FAM98B: variants seen among roughly 807,000 people sequenced by gnomAD.
FAM98B encodes tRNA-splicing ligase complex subunit FAM98B.
A neutral mutation model predicts 43.9 loss-of-function variants in FAM98B; 32 were observed. The ratio of observed to expected loss-of-function variants is 0.73; its 90% CI spans 0.55 to 0.98. FAM98B has a LOEUF of 0.98. Among genes scored for constraint, FAM98B ranks in the 50% least tolerant of loss-of-function variants. FAM98B has a pLI of 0.00. For synonymous variants in FAM98B, 190 were observed against 174.0 expected (o/e 1.09, Z -0.72); for missense variants, 514 against 522.9 (o/e 0.98, Z 0.17).
chr15:38,475,986 A>G (rs1055462013), intron 6 of FAM98B, among the ~76,000 whole-genome samples: 1 of 152,104 alleles, frequency 6.6e-6, no homozygotes, highest in Admixed American at 6.5e-5. Flanking sequence ...TTGCATGGCT[A>G]TCCTTGGCTG....
chr15:38,457,983 G>T (rs1889876822), intron 1 of FAM98B, among the ~76,000 whole-genome samples: 1 of 146,382 alleles, frequency 6.8e-6, no homozygotes, highest in South Asian at 2.2e-4. Flanking sequence ...TTAAGAAAGA[G>T]AATTTTCAGA....
intron 7 of FAM98B, 30 bp from the exon 8 acceptor site, chr15:38,484,225 G>A: frequency 6.5e-7 from 1 of 1,535,944 alleles, no homozygotes. Context: ...TGAAATATTA[G>A]GAACTAAAAG....
intron 3 of FAM98B, 54 bp from the exon 4 acceptor site, chr15:38,470,173 T>C: frequency 7.9e-7 from 1 of 1,262,684 alleles, no homozygotes; most frequent in South Asian, 1.8e-5. Flanking sequence ...CAGTGAAATA[T>C]TTCAAGAGAT....
At chr15:38,465,198 GAGT>G (rs1267815935) in intron 2 of FAM98B, 68 bp from the exon 3 acceptor site, 1 of 1,419,854 alleles carries the variant, frequency 7.0e-7, no homozygotes, top group Non-Finnish European at 9.5e-7. Flanking sequence ...GGAAATAAAC[GAGT>G]AGATTTTATA....
intron 7 of FAM98B, 81 bp downstream of exon 7, chr15:38,481,540 T>C: frequency 6.2e-7 from 1 of 1,613,848 alleles, no homozygotes; most frequent in Non-Finnish European, 8.5e-7. Flanking sequence ...TCTATTTTTC[T>C]TTCATGTCCT....
In FAM98B at chr15:38,474,207, C is replaced by T; in HGVS notation, c.638C>T (p.Ala213Val). Residue 213 changes from alanine (A) to valine (V), a missense_variant, in exon 6 of 8, where the codon GCT becomes GTT. By Grantham distance (64) the Ala-to-Val change is moderately conservative. Transcript: ENST00000397609. ...QAEQLERIND[A>V]LSCEYECRRR... The stretch of plus-strand genomic sequence containing the variant: ...GAACAACTGGAAAGAATCAATGATG[C>T]TCTTTCCTGTGAATATGAGTGCCGC... 6.2e-7 allele frequency: 1 copy of T among 1,613,276 alleles called. No homozygotes were observed. The highest frequency in any genetic ancestry group is 1.1e-5 in the South Asian group (1 of 91,046).
rs545891309 is a variant in FAM98B at position 38,485,961 on chromosome 15, A to G, written c.*1302A>G. ...AGGCTTCTGGTCAATACCTATACAT[A>G]ACAACTTAATGTGATCTAACCAACT... On this transcript the variant is annotated 3_prime_UTR_variant, in exon 8 of 8. Coordinates refer to ENST00000397609, the MANE Select transcript of FAM98B (RefSeq NM_173611.4). The G allele has an allele frequency of 5.9e-5, 9 of 152,294 alleles. No individual in the cohort carries two copies. Among genetic ancestry groups the G allele is most frequent in the African/African-American group, 1.9e-4 (8 of 41,570 alleles). The allele number at this position is 152,294 out of a possible 1,614,324, so 9.4% of individuals were successfully genotyped here.
intron 6 of FAM98B, among the ~76,000 whole-genome samples, chr15:38,476,135 T>A (rs1226957870): frequency 6.6e-6 from 1 of 152,220 alleles, no homozygotes; most frequent in Non-Finnish European, 1.5e-5. Context: ...AAATGTTTAG[T>A]CTGCTTTCAC....
rs757329781 is a variant in FAM98B at position 38,454,153 on chromosome 15, C to T, written c.-9C>T. 13 of 1,592,142 alleles carry T rather than the reference C, an allele frequency of 8.2e-6. No individual in the cohort carries two copies. The Admixed American group carries it at 9.1e-5, about 11-fold the overall frequency. ...CTTAGAGCGCCGAACAGCTCTGGGC[C>T]AAAGGACCATGAGAGGGCCGGAGCC... On this transcript the variant is annotated 5_prime_UTR_variant, in exon 1 of 8. Transcript: ENST00000397609.
intron 7 of FAM98B, chr15:38,482,739 A>T (rs1000283317): frequency 1.3e-5 from 2 of 152,198 alleles, no homozygotes; most frequent in African/African-American, 4.8e-5. Context: ...CCTGAAAGGC[A>T]GTAGCAGGAA....
At chr15:38,476,717 T>G (rs1178733846) in intron 6 of FAM98B, among the ~76,000 whole-genome samples, 4 of 147,346 alleles carry the variant, frequency 2.7e-5, no homozygotes, top group Non-Finnish European at 4.5e-5. Context: ...TTTTTTTTTT[T>G]GCTTTCAATT....
chr15:38,487,133 T>C lies in FAM98B; in HGVS notation c.*2474T>C, dbSNP rs976782678. On this transcript the variant is annotated 3_prime_UTR_variant, in exon 8 of 8. Coordinates refer to ENST00000397609, the MANE Select transcript of FAM98B (RefSeq NM_173611.4). The stretch of plus-strand genomic sequence containing the variant: ...TTTCCTCTCGACCGTATAAAGAGCA[T>C]GTATTCTGTCTATAACATAATCACC... 3 of 152,118 alleles carry C rather than the reference T, an allele frequency of 2.0e-5. No individual in the cohort carries two copies. Among genetic ancestry groups the C allele is most frequent in the Non-Finnish European group, 4.4e-5 (3 of 67,956 alleles). 9.4% of individuals were successfully genotyped at this position (152,118 alleles called of 1,614,324 possible). A position where few individuals can be genotyped will look rare whatever the true frequency, so the allele number is the denominator to read the frequency against.
chr15:38,481,914 T>G (rs1258258891), intron 7 of FAM98B: 2 of 233,342 alleles, frequency 8.6e-6, no homozygotes, highest in Non-Finnish European at 1.7e-5. Context: ...TGAACTTCTT[T>G]GAGCTTCTGT....
At position 38,464,322 on chromosome 15, in the gene FAM98B, G is replaced by A. The variant is rs547358578; in HGVS notation, c.217+145G>A. 2.8e-4 allele frequency: 210 copies of A among 748,584 alleles called. No individual in the cohort carries two copies. The Middle Eastern group carries it at 3.4e-3, about 12-fold the overall frequency. The allele number at this position is 748,584 out of a possible 1,614,324, so 46.4% of individuals were successfully genotyped here. On this transcript the variant is annotated intron_variant, in intron 2 of 7. Transcript: ENST00000397609. ...CAGTATGTGGTAGTAAACATTTTTG[G>A]ATTAAATTTTATATTAATCCAGAAT...
Position 38,486,749 on chromosome 15 carries a change from G to A in FAM98B, c.*2090G>A, listed in dbSNP as rs1308867728. ...TTAATATTTTACTCTTTCCTGTAAG[G>A]TGGGATTTTCCTGATAATCTTTGTT... On this transcript the variant is annotated 3_prime_UTR_variant, in exon 8 of 8. Transcript: ENST00000397609. 1 of 152,074 alleles carries A rather than the reference G, an allele frequency of 6.6e-6. No individual in the cohort carries two copies. The highest frequency in any genetic ancestry group is 1.5e-5 in the Non-Finnish European group (1 of 67,970). 9.4% of individuals were successfully genotyped at this position (152,074 alleles called of 1,614,324 possible).
chr15:38,454,168 G>A lies in FAM98B; in HGVS notation c.7G>A (p.Gly3Arg), dbSNP rs770466954. Residue 3 changes from glycine to arginine, a missense_variant, in exon 1 of 8, where the codon GGG becomes AGG. Gly to Arg is a moderately radical substitution (Grantham distance 125, BLOSUM62 -2). Coordinates refer to ENST00000397609, the MANE Select transcript of FAM98B (RefSeq NM_173611.4). MR[G>R]PEPGPQPTME... is the part of the protein sequence containing the mutation. The stretch of plus-strand genomic sequence containing the variant: ...AGCTCTGGGCCAAAGGACCATGAGA[G>A]GGCCGGAGCCGGGTCCCCAACCGAC... The A allele has an allele frequency of 2.0e-5, 32 of 1,598,028 alleles. No individual in the cohort carries two copies. The highest frequency in any genetic ancestry group is 2.7e-5 in the African/African-American group (2 of 74,896).
At position 38,483,679 on chromosome 15, in the gene FAM98B, AAAAAAATATATATAT is replaced by A. The variant is rs1890315468; in HGVS notation, c.898-574_898-560del. 2 of 45,220 alleles carry A rather than the reference AAAAAAATATATATAT, an allele frequency of 4.4e-5. 1 individual carries two copies. The highest frequency in any genetic ancestry group is 8.4e-5 in the Non-Finnish European group (2 of 23,936). 2.8% of individuals were successfully genotyped at this position (45,220 alleles called of 1,614,324 possible). A position where few individuals can be genotyped will look rare whatever the true frequency, so the allele number is the denominator to read the frequency against. On this transcript the variant is annotated intron_variant, in intron 7 of 7. Coordinates refer to ENST00000397609, the MANE Select transcript of FAM98B (RefSeq NM_173611.4). ...AGACTCCATCTCAAAAAAAAAAAAA[AAAAAAATATATATAT>A]ATATATATATATATATACACTAAGG...
intron 6 of FAM98B, 64 bp from the exon 7 acceptor site, chr15:38,481,228 A>G: frequency 3.6e-6 from 5 of 1,377,386 alleles, no homozygotes; most frequent in Non-Finnish European, 5.1e-6. Flanking sequence ...AAAGATTATG[A>G]TTGTTTTTGC....
intron 1 of FAM98B, among the ~76,000 whole-genome samples, chr15:38,455,712 G>A (rs527490028): frequency 6.6e-6 from 1 of 152,226 alleles, no homozygotes; most frequent in South Asian, 2.1e-4. Context: ...TAAGAATATT[G>A]GGAACTCATA....
Sources: allele counts gnomAD v4.1 joint callset (sites outside exome capture counted in the v4.1 genomes callset), GRCh38; gene constraint gnomAD v4.1.1; transcripts MANE v1.5; gene names NCBI Gene and HGNC (gene_info 2026-07-23, HGNC 2026-07-21).